The following CCDC158 variants were observed in gnomAD, a reference collection of about 807,000 sequenced individuals.
CCDC158 encodes coiled-coil domain containing 158.
CCDC158 carries 116 observed loss-of-function variants against 138.6 expected under a neutral mutation model. The ratio of observed to expected loss-of-function variants is 0.84; its 90% CI spans 0.72 to 0.98. The LOEUF (loss-of-function observed/expected upper bound fraction) is 0.98, where lower values mean the gene tolerates loss of function less well. Ranked by LOEUF, CCDC158 falls within the 50% of genes least tolerant of loss-of-function variation. The pLI, the probability that CCDC158 is intolerant of heterozygous loss-of-function variation, is 0.00. For missense variants in CCDC158, 1,265 were observed against 1,306.1 expected (o/e 0.97, Z 0.48); for synonymous variants, 436 against 442.4 (o/e 0.99, Z 0.18).
At chr4:76,320,230 A>G (rs1163790007) in intron 24 of CCDC158, among the ~76,000 whole-genome samples, 1 of 152,226 alleles carries the variant, frequency 6.6e-6, no homozygotes, top group Non-Finnish European at 1.5e-5. Flanking sequence ...GAATATACCT[A>G]ACCAAGGAGA....
At chr4:76,382,911 A>G (rs1386604427) in intron 7 of CCDC158, among the ~76,000 whole-genome samples, 191 bp from the exon 8 acceptor site, 1 of 152,222 alleles carries the variant, frequency 6.6e-6, no homozygotes, top group Non-Finnish European at 1.5e-5. Context: ...GGAGTCAGAT[A>G]GTTTTGGAAT....
At chr4:76,352,579 T>C (rs1426335618) in intron 16 of CCDC158, 2 of 152,226 alleles carry the variant, frequency 1.3e-5, no homozygotes, top group East Asian at 3.9e-4. Flanking sequence ...GGTACAATTT[T>C]AGGCTTCCAG....
chr4:76,323,320 A>T lies in CCDC158; in HGVS notation c.3259T>A (p.Leu1087Ile). Reference sequence around the variant, plus strand: ...ACTGTACCTTGGTTCTTCAGCTGTAAATCTTCTACCAGAGTTTGCAAGCTT... The same window carrying T: ...ACTGTACCTTGGTTCTTCAGCTGTATATCTTCTACCAGAGTTTGCAAGCTT... ...LESLQTLVED[L>I]QLKNQAMSSM... is the part of the protein sequence containing the mutation. Residue 1087 changes from leucine to isoleucine, a missense_variant, in exon 24 of 25, where the codon TTA becomes ATA. Leu to Ile is a conservative substitution (Grantham distance 5). Transcript: ENST00000682701. 3 of 1,611,766 alleles carry T rather than the reference A, an allele frequency of 1.9e-6. No individual in the cohort carries two copies. The highest frequency in any genetic ancestry group is 2.5e-6 in the Non-Finnish European group (3 of 1,179,034).
intron 4 of CCDC158, among the ~76,000 whole-genome samples, chr4:76,390,165 A>G (rs968304766): frequency 3.3e-5 from 5 of 152,188 alleles, no homozygotes; most frequent in African/African-American, 1.2e-4. Flanking sequence ...AGATAGTACA[A>G]TAAGATTCAA....
chr4:76,354,455 T>G (rs1212122983), intron 15 of CCDC158, among the ~76,000 whole-genome samples: 1 of 152,192 alleles, frequency 6.6e-6, no homozygotes, highest in East Asian at 1.9e-4. Flanking sequence ...ACTTATTTTC[T>G]ACTTGTCATT....
chr4:76,376,643 T>C (rs1267980672), intron 9 of CCDC158, among the ~76,000 whole-genome samples: 2 of 152,192 alleles, frequency 1.3e-5, no homozygotes, highest in Non-Finnish European at 2.9e-5. Flanking sequence ...TATTAACTTG[T>C]TTGATTTTCC....
intron 2 of CCDC158, among the ~76,000 whole-genome samples, chr4:76,407,907 G>A (rs1165909841): frequency 2.6e-5 from 4 of 152,054 alleles, no homozygotes; most frequent in Non-Finnish European, 4.4e-5. Context: ...GAATGCTTGC[G>A]TTATTCATCA....
Position 76,383,727 on chromosome 4 carries a change from TTG to T in CCDC158, c.736_737del (p.Gln246ThrfsTer2). On this transcript the variant is annotated frameshift_variant, in exon 7 of 25. Coordinates refer to ENST00000682701, the MANE Select transcript of CCDC158 (RefSeq NM_001394954.1). LOFTEE classifies it high-confidence loss of function. ...GTGATTCAGATTTCAGTGCTTCAAG[TTG>T]ATCCTCTACCTGGTTTTTAAAAAGA... ...LKGRIFPVED[Q>X]LEALKSESQN... is the part of the protein sequence containing the mutation. 6.2e-7 allele frequency: 1 copy of T among 1,612,672 alleles called. No individual in the cohort carries two copies.
At chr4:76,370,470 G>A (rs571307857) in intron 10 of CCDC158, among the ~76,000 whole-genome samples, 1 of 152,264 alleles carries the variant, frequency 6.6e-6, no homozygotes, top group South Asian at 2.1e-4. Context: ...TGACTTTATG[G>A]AGAAAGTAAT....
At chr4:76,401,102 T>G in intron 3 of CCDC158, 1 of 216,656 alleles carries the variant, frequency 4.6e-6, no homozygotes, top group Non-Finnish European at 9.2e-6. Context: ...CATTTAAGTG[T>G]TTAAAATCTC....
intron 9 of CCDC158, among the ~76,000 whole-genome samples, chr4:76,374,497 C>T (rs74668905): frequency 0.029 from 4,478 of 152,232 alleles, 220 homozygotes; most frequent in African/African-American, 0.1. Flanking sequence ...TACATAACTT[C>T]CCTGTGTTTC....
intron 24 of CCDC158, among the ~76,000 whole-genome samples, chr4:76,313,490 A>T (rs529167530): frequency 1.3e-5 from 2 of 151,352 alleles, no homozygotes; most frequent in South Asian, 4.2e-4. Context: ...GGGTCTCTCT[A>T]TGTTGCCCAG....
intron 4 of CCDC158, among the ~76,000 whole-genome samples, chr4:76,387,105 G>C (rs957304891): frequency 6.6e-5 from 10 of 152,206 alleles, no homozygotes; most frequent in African/African-American, 2.4e-4. Flanking sequence ...GGCTAAGAGA[G>C]TGCTTGCACC....
chr4:76,344,940 G>C, intron 18 of CCDC158: 2 of 1,521,816 alleles, frequency 1.3e-6, no homozygotes, highest in East Asian at 2.3e-5. Flanking sequence ...TTCTTCAAAA[G>C]TGTGGTGAAA....
At chr4:76,393,492 T>A (rs1468883815) in intron 4 of CCDC158, among the ~76,000 whole-genome samples, 3 of 152,064 alleles carry the variant, frequency 2.0e-5, no homozygotes, top group African/African-American at 7.2e-5. Context: ...TCAAAATGGG[T>A]TAAAGACTTA....
At chr4:76,380,816 T>C (rs1436629720) in intron 8 of CCDC158, among the ~76,000 whole-genome samples, 1 of 152,212 alleles carries the variant, frequency 6.6e-6, no homozygotes, top group Non-Finnish European at 1.5e-5. Flanking sequence ...GAAATGGTTT[T>C]GTAAGCCAGG....
At chr4:76,329,269 C>G (rs550434920) in intron 21 of CCDC158, among the ~76,000 whole-genome samples, 25 of 152,114 alleles carry the variant, frequency 1.6e-4, no homozygotes, top group Non-Finnish European at 1.5e-5. Flanking sequence ...CTAAGAGATG[C>G]AATCTTAATG....
At chr4:76,391,257 G>C (rs1727284175) in intron 4 of CCDC158, among the ~76,000 whole-genome samples, 1 of 151,952 alleles carries the variant, frequency 6.6e-6, no homozygotes, top group Admixed American at 6.6e-5. Flanking sequence ...TGATTCTCAA[G>C]GAGAGACTAT....
chr4:76,342,550 G>T (rs1722157581), intron 18 of CCDC158, among the ~76,000 whole-genome samples: 2 of 152,064 alleles, frequency 1.3e-5, no homozygotes, highest in South Asian at 4.2e-4. Context: ...AAAATAAAGA[G>T]ACTAAAATAA....
Sources: allele counts gnomAD v4.1 joint callset (sites outside exome capture counted in the v4.1 genomes callset), GRCh38; gene constraint gnomAD v4.1.1; transcripts MANE v1.5; gene names NCBI Gene and HGNC (gene_info 2026-07-23, HGNC 2026-07-21).